Variants in UNC5D observed in about 807,000 individuals in gnomAD.
UNC5D encodes unc-5 netrin receptor D, also known as netrin receptor UNC5D.
A neutral mutation model predicts 105.4 loss-of-function variants in UNC5D; 39 were observed. The observed-to-expected ratio is 0.37, with a 90% CI of 0.29 to 0.48. The LOEUF (loss-of-function observed/expected upper bound fraction) is 0.48. Among genes scored for constraint, UNC5D ranks in the 20% least tolerant of loss-of-function variants. The pLI, the probability that UNC5D is intolerant of heterozygous loss-of-function variation, is 0.98. For missense variants in UNC5D, 991 were observed against 1,202.4 expected, an observed-to-expected ratio of 0.82 and a Z score of 2.60; for synonymous variants, 452 against 450.4, an observed-to-expected ratio of 1.00 and a Z score of -0.04.
intron 9 of UNC5D, among the ~76,000 whole-genome samples, chr8:35,723,253 A>C (rs1221453245): frequency 6.6e-6 from 1 of 152,164 alleles, no homozygotes; most frequent in Non-Finnish European, 1.5e-5. Context: ...TCCGAAGTGG[A>C]AACACAGGCA....
intron 1 of UNC5D, among the ~76,000 whole-genome samples, chr8:35,358,568 T>C (rs767262509): frequency 6.6e-6 from 1 of 152,152 alleles, no homozygotes; most frequent in Non-Finnish European, 1.5e-5. Flanking sequence ...GATGGGTTGA[T>C]AGGTACAGCA....
At chr8:35,441,059 A>T (rs995591956) in intron 1 of UNC5D, among the ~76,000 whole-genome samples, 2 of 151,662 alleles carry the variant, frequency 1.3e-5, no homozygotes, top group Non-Finnish European at 2.9e-5. Context: ...TGTTGGTGTG[A>T]CTCCCCTCTT....
At position 35,543,917 on chromosome 8, in the gene UNC5D, C is replaced by T. The variant is rs893740726; in HGVS notation, c.104-5375C>T. On this transcript the variant is annotated intron_variant, in intron 1 of 16. Transcript: ENST00000404895. ...CCATCTTTTGGTTTTATGAACTACA[C>T]ACTATTACCCTGCGACAGGCACTCA... Among the ~76,000 whole-genome samples the T allele has an allele frequency of 2.6e-5, 4 of 152,236 alleles. No individual in the cohort carries two copies. In the East Asian group the frequency reaches 7.7e-4, roughly 29 times the overall value.
chr8:35,718,582 G>A (rs1469555868), intron 8 of UNC5D, among the ~76,000 whole-genome samples: 1 of 152,164 alleles, frequency 6.6e-6, no homozygotes, highest in Non-Finnish European at 1.5e-5. Flanking sequence ...CTTTTGAAGA[G>A]TTTAAGGCAG....
intron 13 of UNC5D, 128 bp downstream of exon 13, chr8:35,750,937 G>T: frequency 9.2e-7 from 1 of 1,091,890 alleles, no homozygotes; most frequent in Non-Finnish European, 1.3e-6. Flanking sequence ...TAACTGCCCA[G>T]TGGGTTCACC....
chr8:35,467,747 G>A (rs1809414824), intron 1 of UNC5D, among the ~76,000 whole-genome samples: 1 of 152,050 alleles, frequency 6.6e-6, no homozygotes, highest in Non-Finnish European at 1.5e-5. Context: ...TAGGGTGGAG[G>A]GAATAGAACT....
At chr8:35,708,848 G>A (rs1335057958) in intron 8 of UNC5D, among the ~76,000 whole-genome samples, 2 of 152,106 alleles carry the variant, frequency 1.3e-5, no homozygotes, top group Non-Finnish European at 2.9e-5. Context: ...AGTTGAATAT[G>A]TCCTAATAAC....
chr8:35,457,049 C>T (rs1051989849), intron 1 of UNC5D, among the ~76,000 whole-genome samples: 3 of 152,102 alleles, frequency 2.0e-5, no homozygotes, highest in African/African-American at 7.2e-5. Flanking sequence ...TTTCTTATTG[C>T]CTCCAACTTG....
intron 1 of UNC5D, among the ~76,000 whole-genome samples, chr8:35,428,203 A>C (rs1304285072): frequency 6.6e-6 from 1 of 151,978 alleles, no homozygotes; most frequent in African/African-American, 2.4e-5. Flanking sequence ...TTTGAGACAA[A>C]GTCTCACTCT....
At chr8:35,704,547 G>T (rs1435451272) in intron 7 of UNC5D, among the ~76,000 whole-genome samples, 1 of 152,176 alleles carries the variant, frequency 6.6e-6, no homozygotes, top group Non-Finnish European at 1.5e-5. Flanking sequence ...ACAGAGAAGG[G>T]GACTGCGTAG....
chr8:35,479,998 G>T (rs1460698222), intron 1 of UNC5D, among the ~76,000 whole-genome samples: 5 of 152,128 alleles, frequency 3.3e-5, no homozygotes, highest in South Asian at 2.1e-4. Flanking sequence ...CACCACTAAT[G>T]GACTTACTTC....
At chr8:35,442,884 T>TG in intron 1 of UNC5D, among the ~76,000 whole-genome samples, 1 of 115,302 alleles carries the variant, frequency 8.7e-6, no homozygotes, top group African/African-American at 4.0e-5. Context: ...TCTCTCTCTG[T>TG]TTCTCTCTCT....
intron 1 of UNC5D, among the ~76,000 whole-genome samples, chr8:35,294,647 C>T (rs1328304510): frequency 4.0e-5 from 6 of 151,496 alleles, no homozygotes; most frequent in South Asian, 2.1e-4. Flanking sequence ...GCAGTGTTGT[C>T]GCACCTATTG....
chr8:35,761,104 A>C (rs2131686070), intron 14 of UNC5D, among the ~76,000 whole-genome samples: 1 of 152,212 alleles, frequency 6.6e-6, no homozygotes, highest in African/African-American at 2.4e-5. Context: ...TTCTATGAAT[A>C]AATATATTGT....
chr8:35,539,576 C>T (rs1815122049), intron 1 of UNC5D, among the ~76,000 whole-genome samples: 1 of 152,258 alleles, frequency 6.6e-6, no homozygotes, highest in South Asian at 2.1e-4. Flanking sequence ...TGACTTAGAA[C>T]TCGTTGACAA....
intron 1 of UNC5D, among the ~76,000 whole-genome samples, chr8:35,288,757 A>T (rs1371151806): frequency 2.0e-5 from 3 of 152,200 alleles, no homozygotes; most frequent in Non-Finnish European, 4.4e-5. Flanking sequence ...ATGCATGTAA[A>T]GGCAAGTTGT....
chr8:35,776,253 A>G (rs1286930032), intron 16 of UNC5D, among the ~76,000 whole-genome samples: 1 of 152,230 alleles, frequency 6.6e-6, no homozygotes, highest in Non-Finnish European at 1.5e-5. Flanking sequence ...AAACTATATT[A>G]AGTCTAATTC....
chr8:35,277,349 T>C (rs931520926), intron 1 of UNC5D, among the ~76,000 whole-genome samples: 3 of 152,328 alleles, frequency 2.0e-5, no homozygotes, highest in African/African-American at 7.2e-5. Flanking sequence ...TAAAGGCTAG[T>C]ACATGGATTG....
intron 1 of UNC5D, among the ~76,000 whole-genome samples, chr8:35,312,429 T>G (rs1347131503): frequency 2.6e-5 from 4 of 152,154 alleles, no homozygotes; most frequent in South Asian, 2.1e-4. Context: ...GACTTTAAAG[T>G]TTAATGCTCT....
Sources: gnomAD v4.1 joint callset for allele counts (sites outside exome capture counted in the v4.1 genomes callset) on GRCh38, gnomAD v4.1.1 for gene constraint, MANE v1.5 for transcripts, NCBI Gene and HGNC (gene_info 2026-07-23, HGNC 2026-07-21) for gene names.